The following CNTRL variants were observed in gnomAD, a reference collection of about 807,000 sequenced individuals.
CNTRL encodes centriolin, also known as 110 kDa centrosomal protein.
CNTRL carries 233 observed loss-of-function variants against 303.7 expected under a neutral mutation model. The observed-to-expected ratio is 0.77, with a 90% CI of 0.69 to 0.86. The LOEUF (loss-of-function observed/expected upper bound fraction) is 0.86, where lower values mean the gene tolerates loss of function less well. CNTRL is among the 40% of genes least tolerant of loss of function. The probability of loss-of-function intolerance (pLI) is 0.00; values close to 1 mark genes in which losing one functional copy is unlikely to be tolerated. For missense variants in CNTRL, 2,524 were observed against 2,650.6 expected (o/e 0.95, Z 1.05); for synonymous variants, 900 against 922.2 (o/e 0.98, Z 0.44).
At position 121,169,802 on chromosome 9, in the gene CNTRL, G is replaced by T; in HGVS notation, c.6262G>T (p.Glu2088Ter). Reference sequence around the variant, plus strand: ...ACTTAAGATCCAGCGGAGCCAGCTGGAGAAAAACCTTCTTGTGAGTACCTG... The same window carrying T: ...ACTTAAGATCCAGCGGAGCCAGCTGTAGAAAAACCTTCTTGTGAGTACCTG... ...EALKIQRSQLEKNLLEQKQEN... is the reference protein window; with the variant it reads ...EALKIQRSQL The change falls in exon 39 of 44, where the codon GAG becomes TAG. Residue 2088 changes from glutamate (E) to a stop codon, truncating the protein, a stop_gained. Coordinates refer to ENST00000373855, the MANE Select transcript of CNTRL (RefSeq NM_007018.6). LOFTEE classifies it high-confidence loss of function. 1.2e-6 allele frequency: 2 copies of T among 1,613,976 alleles called. No individual in the cohort carries two copies. Among genetic ancestry groups the T allele is most frequent in the Admixed American group, 3.3e-5 (2 of 59,968 alleles).
At chr9:121,177,116 T>C in intron 43 of CNTRL, 47 bp from the exon 44 acceptor site, 1 of 1,542,508 alleles carries the variant, frequency 6.5e-7, no homozygotes, top group Non-Finnish European at 9.0e-7. Context: ...AAGACTGTTT[T>C]TACTGTTTCA....
In CNTRL at chr9:121,166,119, C is replaced by G. The variant is rs2131827086; in HGVS notation, c.5594C>G (p.Ala1865Gly). The change falls in exon 36 of 44, where the codon GCA becomes GGA. Residue 1865 changes from alanine to glycine, a missense_variant. Physicochemically the swap from Ala to Gly is moderately conservative, Grantham distance 60. Coordinates refer to ENST00000373855, the MANE Select transcript of CNTRL (RefSeq NM_007018.6). ...MQQQLQEKRE[A>G]VNSLQEELAN... ...GTCATTTCTTTAGAAAAACGAGAAGCAGTAAACTCACTGCAGGAGGAACTA... is the reference window on the plus strand; with the variant it reads ...GTCATTTCTTTAGAAAAACGAGAAGGAGTAAACTCACTGCAGGAGGAACTA... The G allele has an allele frequency of 1.2e-6, 2 of 1,611,240 alleles. No individual in the cohort carries two copies. Among genetic ancestry groups the G allele is most frequent in the Non-Finnish European group, 8.5e-7 (1 of 1,178,564 alleles).
chr9:121,173,146 A>T, intron 40 of CNTRL, 97 bp from the exon 41 acceptor site: 1 of 1,107,578 alleles, frequency 9.0e-7, no homozygotes, highest in Non-Finnish European at 1.3e-6. Context: ...AGTAGTTGAT[A>T]TTTATAGATC....
intron 15 of CNTRL, 120 bp from the exon 16 acceptor site, chr9:121,138,425 T>C (rs2051314468): frequency 9.8e-7 from 1 of 1,020,422 alleles, no homozygotes; most frequent in Non-Finnish European, 1.4e-6. Flanking sequence ...AAACATAAAA[T>C]TGAGTTGTAA....
At position 121,123,912 on chromosome 9, in the gene CNTRL, A is replaced by ATT. The variant is rs553380012; in HGVS notation, c.1651-9_1651-8dup. The ATT allele has an allele frequency of 6.2e-5, 79 of 1,268,830 alleles. No individual in the cohort carries two copies. The highest frequency in any genetic ancestry group is 1.5e-4 in the Admixed American group (6 of 38,808). 78.6% of individuals were successfully genotyped at this position (1,268,830 alleles called of 1,614,324 possible). Reference sequence around the variant, plus strand: ...GTTTAAGGAACTTGGAGTTTTGTTGATTTTTTTTTTTAATTCAGTCCCATA... The same window carrying ATT: ...GTTTAAGGAACTTGGAGTTTTGTTGATTTTTTTTTTTTTAATTCAGTCCCATA... On this transcript the variant is annotated intron_variant, in intron 12 of 43. Coordinates refer to ENST00000373855, the MANE Select transcript of CNTRL (RefSeq NM_007018.6).
intron 4 of CNTRL, among the ~76,000 whole-genome samples, chr9:121,094,161 T>C (rs1400331212): frequency 1.3e-5 from 2 of 148,830 alleles, no homozygotes; most frequent in Non-Finnish European, 3.0e-5. Flanking sequence ...CTATCTCTCT[T>C]AGTCTCTTAG....
intron 7 of CNTRL, among the ~76,000 whole-genome samples, chr9:121,104,075 C>T (rs532661903): frequency 6.0e-4 from 92 of 152,300 alleles, no homozygotes; most frequent in Middle Eastern, 3.4e-3. Flanking sequence ...CACACGCACA[C>T]ATATGTTTAT....
chr9:121,162,996 CAA>C (rs1456009836), intron 34 of CNTRL, among the ~76,000 whole-genome samples: 1 of 151,338 alleles, frequency 6.6e-6, no homozygotes, highest in African/African-American at 2.4e-5. Flanking sequence ...TATACAAAAC[CAA>C]AAAAAGAATC....
intron 1 of CNTRL, among the ~76,000 whole-genome samples, chr9:121,078,674 G>A (rs75246279): frequency 6.6e-6 from 1 of 152,176 alleles, no homozygotes; most frequent in African/African-American, 2.4e-5. Context: ...AGTTTTACCT[G>A]TGCTTCTGAC....
intron 13 of CNTRL, among the ~76,000 whole-genome samples, chr9:121,124,708 C>T (rs966661561): frequency 6.8e-6 from 1 of 146,422 alleles, no homozygotes; most frequent in Non-Finnish European, 1.5e-5. Context: ...GAGGCTGAGG[C>T]GGGCATATCA....
chr9:121,154,711 T>C lies in CNTRL; in HGVS notation c.4173-10T>C, dbSNP rs1178014133. On this transcript the variant is annotated splice_polypyrimidine_tract_variant and intron_variant, in intron 26 of 43. Coordinates refer to ENST00000373855, the MANE Select transcript of CNTRL (RefSeq NM_007018.6). ...AACATTTTTTAATGGGTGTATATAT[T>C]ATTTTTTAGGGACTTCATTGATGGA... 1 of 1,554,292 alleles carries C rather than the reference T, an allele frequency of 6.4e-7. No individual in the cohort carries two copies. Among genetic ancestry groups the C allele is most frequent in the East Asian group, 2.3e-5 (1 of 44,416 alleles).
At chr9:121,171,641 T>A (rs2053310257) in intron 40 of CNTRL, 93 bp downstream of exon 40, 1 of 1,320,150 alleles carries the variant, frequency 7.6e-7, no homozygotes, top group Non-Finnish European at 1.0e-6. Context: ...CCTTCTATAG[T>A]AGTATAGAAA....
chr9:121,106,748 C>G (rs2049496071), intron 7 of CNTRL, among the ~76,000 whole-genome samples: 1 of 152,116 alleles, frequency 6.6e-6, no homozygotes, highest in African/African-American at 2.4e-5. Flanking sequence ...ATGGTTTGAT[C>G]CAACTTGAGA....
intron 4 of CNTRL, among the ~76,000 whole-genome samples, chr9:121,090,775 C>T (rs1025388608): frequency 3.3e-5 from 5 of 152,176 alleles, no homozygotes; most frequent in South Asian, 2.1e-4. Context: ...CTATATGGCC[C>T]GCAAAGCCAA....
In CNTRL at chr9:121,138,658, T is replaced by C. The variant is rs2051329395; in HGVS notation, c.2316T>C (p.His772=). 1 of 1,613,652 alleles carries C rather than the reference T, an allele frequency of 6.2e-7. No homozygotes were observed. Among genetic ancestry groups the C allele is most frequent in the South Asian group, 1.1e-5 (1 of 91,034 alleles). The change falls in exon 16 of 44, where the codon CAT becomes CAC. Residue 772 remains histidine, a synonymous_variant. Coordinates refer to ENST00000373855, the MANE Select transcript of CNTRL (RefSeq NM_007018.6). ...EEKEQENSEL[H]AKLKHLQDDN... The stretch of plus-strand genomic sequence containing the variant: ...AGGAGCAAGAGAACAGTGAGCTCCA[T>C]GCAAAACTTAAACACTTGCAGGTAG...
intron 42 of CNTRL, 58 bp downstream of exon 42, chr9:121,173,795 G>T: frequency 6.7e-7 from 1 of 1,498,938 alleles, no homozygotes; most frequent in South Asian, 1.1e-5. Context: ...TTGGGGAGGG[G>T]AGGGGAAAGT....
intron 13 of CNTRL, among the ~76,000 whole-genome samples, chr9:121,125,448 C>T (rs2050464097): frequency 1.3e-5 from 2 of 152,168 alleles, no homozygotes; most frequent in South Asian, 4.1e-4. Context: ...CTTGAACCAC[C>T]ACACCCGGCC....
intron 14 of CNTRL, among the ~76,000 whole-genome samples, chr9:121,131,907 A>G (rs762796146): frequency 9.2e-5 from 14 of 152,174 alleles, no homozygotes; most frequent in Admixed American, 2.0e-4. Context: ...AGTTTGGTTG[A>G]ATATGAGATT....
intron 12 of CNTRL, among the ~76,000 whole-genome samples, chr9:121,120,151 G>A (rs964279317): frequency 6.6e-5 from 10 of 151,886 alleles, no homozygotes; most frequent in South Asian, 2.1e-4. Flanking sequence ...AAGATCTCTG[G>A]ATTAATAGAA....
Sources: gnomAD v4.1 joint callset for allele counts (sites outside exome capture counted in the v4.1 genomes callset) on GRCh38, gnomAD v4.1.1 for gene constraint, MANE v1.5 for transcripts, NCBI Gene and HGNC (gene_info 2026-07-23, HGNC 2026-07-21) for gene names.